Variants in CPED1 observed in about 807,000 individuals in gnomAD.
CPED1 encodes cadherin like and PC-esterase domain containing 1.
In CPED1, 114 loss-of-function variants were observed where a neutral mutation model predicts 128.2. The observed-to-expected ratio is 0.89, with a 90% CI of 0.76 to 1.04. CPED1 has a LOEUF of 1.04. Ranked by LOEUF, CPED1 falls within the 50% of genes least tolerant of loss-of-function variation. The pLI, the probability that CPED1 is intolerant of heterozygous loss-of-function variation, is 0.00. For missense variants in CPED1, 1,211 were observed against 1,207.1 expected (o/e 1.00, Z -0.05); for synonymous variants, 462 against 426.7 (o/e 1.08, Z -1.02).
intron 16 of CPED1, among the ~76,000 whole-genome samples, chr7:121,165,675 G>A (rs1436328747): frequency 4.6e-5 from 7 of 152,050 alleles, no homozygotes; most frequent in Non-Finnish European, 7.4e-5. Context: ...CCCTACTTCA[G>A]TCCCCTGGAT....
chr7:121,229,182 A>G (rs1034969324), intron 16 of CPED1, among the ~76,000 whole-genome samples: 1 of 152,038 alleles, frequency 6.6e-6, no homozygotes, highest in African/African-American at 2.4e-5. Context: ...AAAATTTCAC[A>G]TGTACCTCAT....
intron 16 of CPED1, among the ~76,000 whole-genome samples, chr7:121,230,601 G>A (rs988282787): frequency 1.2e-4 from 18 of 151,990 alleles, no homozygotes; most frequent in Non-Finnish European, 2.1e-4. Context: ...CAGCACTAAA[G>A]TCTCCACAAA....
At chr7:121,159,501 G>T (rs1796364377) in intron 16 of CPED1, among the ~76,000 whole-genome samples, 1 of 152,082 alleles carries the variant, frequency 6.6e-6, no homozygotes, top group Non-Finnish European at 1.5e-5. Context: ...TGATAAGAAA[G>T]AATTTGAAGT....
chr7:121,153,708 C>T (rs1796212120), intron 16 of CPED1, among the ~76,000 whole-genome samples: 1 of 152,194 alleles, frequency 6.6e-6, no homozygotes, highest in Admixed American at 6.5e-5. Flanking sequence ...CACTCTATCA[C>T]ATACCAAAAC....
chr7:121,277,651 C>A (rs969322155), intron 22 of CPED1, among the ~76,000 whole-genome samples: 1 of 152,100 alleles, frequency 6.6e-6, no homozygotes, highest in African/African-American at 2.4e-5. Context: ...TCCTCTGAGA[C>A]GGCTTTGCCT....
chr7:121,170,629 C>T (rs1241471130), intron 16 of CPED1, among the ~76,000 whole-genome samples: 1 of 152,090 alleles, frequency 6.6e-6, no homozygotes, highest in Non-Finnish European at 1.5e-5. Flanking sequence ...TCTCATGGAG[C>T]TCACAGTCTA....
chr7:121,038,678 G>T (rs79805376), intron 3 of CPED1, among the ~76,000 whole-genome samples: 2,437 of 151,708 alleles, frequency 0.016, 74 homozygotes, highest in African/African-American at 0.056. Context: ...ATCCCATCTA[G>T]TATACCATAT....
At chr7:121,010,230 C>G (rs889979634) in intron 2 of CPED1, among the ~76,000 whole-genome samples, 4 of 152,032 alleles carry the variant, frequency 2.6e-5, no homozygotes, top group Non-Finnish European at 2.9e-5. Context: ...CATCAAAGCT[C>G]TATTGGGAAT....
At position 121,141,030 on chromosome 7, in the gene CPED1, G is replaced by T. The variant is rs756041467; in HGVS notation, c.1886+17G>T. On this transcript the variant is annotated intron_variant, in intron 15 of 22. Transcript: ENST00000310396. ...AGGGCCAAGGTATGAGATGTTGACTGGGGCTGTGTTGAGACACTATACTGG... is the reference window on the plus strand; with the variant it reads ...AGGGCCAAGGTATGAGATGTTGACTTGGGCTGTGTTGAGACACTATACTGG... 1.6e-5 allele frequency: 25 copies of T among 1,593,312 alleles called. 1 individual carries two copies. Among genetic ancestry groups the T allele is most frequent in the Middle Eastern group, 3.4e-4 (2 of 5,916 alleles).
At chr7:121,174,833 ATATT>A (rs889828582) in intron 16 of CPED1, among the ~76,000 whole-genome samples, 16 of 152,042 alleles carry the variant, frequency 1.1e-4, no homozygotes, top group African/African-American at 3.4e-4. Context: ...CATTTTAACA[ATATT>A]TATTCTTCTG....
At chr7:121,275,084 A>G (rs1374586493) in intron 22 of CPED1, among the ~76,000 whole-genome samples, 2 of 152,142 alleles carry the variant, frequency 1.3e-5, no homozygotes, top group Non-Finnish European at 2.9e-5. Context: ...AATAGATTCA[A>G]GGATACCTGA....
chr7:121,268,602 G>A (rs981465657), intron 21 of CPED1, among the ~76,000 whole-genome samples: 10 of 151,922 alleles, frequency 6.6e-5, no homozygotes, highest in East Asian at 1.9e-4. Flanking sequence ...GTCTTTCTCC[G>A]TAGACTTATC....
At chr7:121,268,626 G>A (rs562794675) in intron 21 of CPED1, among the ~76,000 whole-genome samples, 7 of 144,316 alleles carry the variant, frequency 4.9e-5, no homozygotes, top group Non-Finnish European at 9.0e-5. Flanking sequence ...TGCTACCAGT[G>A]CATGTGCACA....
At chr7:121,210,467 T>A (rs1410589257) in intron 16 of CPED1, among the ~76,000 whole-genome samples, 3 of 151,998 alleles carry the variant, frequency 2.0e-5, no homozygotes, top group African/African-American at 7.2e-5. Context: ...TGGAGCACTA[T>A]TCAGCCATAA....
chr7:121,185,901 T>C (rs555158172), intron 16 of CPED1, among the ~76,000 whole-genome samples: 258 of 152,318 alleles, frequency 1.7e-3, no homozygotes, highest in African/African-American at 5.7e-3. Flanking sequence ...CTGGGAAGAT[T>C]TCAGTGGTCA....
At chr7:121,279,632 T>G (rs919748653) in intron 22 of CPED1, among the ~76,000 whole-genome samples, 1 of 152,084 alleles carries the variant, frequency 6.6e-6, no homozygotes, top group African/African-American at 2.4e-5. Flanking sequence ...CTGAAAAAGA[T>G]AAGGCTGAGA....
chr7:121,293,855 C>T (rs1401851739), intron 22 of CPED1, among the ~76,000 whole-genome samples: 1 of 152,016 alleles, frequency 6.6e-6, no homozygotes, highest in Non-Finnish European at 1.5e-5. Context: ...TAACCAGTCC[C>T]AGTGAGATGG....
chr7:121,100,476 T>C (rs1794822417), intron 7 of CPED1, among the ~76,000 whole-genome samples: 1 of 152,174 alleles, frequency 6.6e-6, no homozygotes, highest in South Asian at 2.1e-4. Context: ...GCTTCACCCT[T>C]AGGAAGCATA....
At chr7:121,025,370 A>G (rs1792551279) in intron 3 of CPED1, among the ~76,000 whole-genome samples, 1 of 152,182 alleles carries the variant, frequency 6.6e-6, no homozygotes, top group African/African-American at 2.4e-5. Flanking sequence ...AAATTCAGTC[A>G]CTATTAAACT....
Sources: gnomAD v4.1 joint callset for allele counts (sites outside exome capture counted in the v4.1 genomes callset) on GRCh38, gnomAD v4.1.1 for gene constraint, MANE v1.5 for transcripts, NCBI Gene and HGNC (gene_info 2026-07-23, HGNC 2026-07-21) for gene names.